The following AGBL4 variants were observed in gnomAD, a reference collection of about 807,000 sequenced individuals.
AGBL4 encodes the protein AGBL carboxypeptidase 4.
In AGBL4, 58 loss-of-function variants were observed where a neutral mutation model predicts 66.4. The observed-to-expected ratio is 0.87, with a 90% CI of 0.71 to 1.09. AGBL4 has a LOEUF of 1.09. AGBL4 is among the 50% of genes least tolerant of loss of function. AGBL4 has a pLI of 0.00. For missense variants in AGBL4, 579 were observed against 631.0 expected (o/e 0.92, Z 0.88); for synonymous variants, 234 against 222.9 (o/e 1.05, Z -0.44).
chr1:49,675,689 G>A (rs188848277), intron 3 of AGBL4, among the ~76,000 whole-genome samples: 5 of 152,198 alleles, frequency 3.3e-5, no homozygotes, highest in Admixed American at 3.3e-4. Flanking sequence ...GGATGGGTTT[G>A]TCAGTAGGTT....
intron 1 of AGBL4, among the ~76,000 whole-genome samples, chr1:49,915,912 C>T (rs1557575648): frequency 2.0e-5 from 3 of 152,152 alleles, no homozygotes; most frequent in Non-Finnish European, 4.4e-5. Flanking sequence ...CAGGCAGCAA[C>T]ATTTACTGTT....
chr1:48,525,477 C>A, the AGBL4 span, among the ~76,000 whole-genome samples: 6 of 152,188 alleles, frequency 3.9e-5, no homozygotes, highest in Non-Finnish European at 7.3e-5. Flanking sequence ...AAGTAGGGAA[C>A]TTCATGAGGT....
At chr1:48,568,477 C>G (rs574553680) in intron 11 of AGBL4, among the ~76,000 whole-genome samples, 74 of 152,334 alleles carry the variant, frequency 4.9e-4, no homozygotes, top group Non-Finnish European at 9.1e-4. Flanking sequence ...GTGACATGCT[C>G]TTCCCGTGGA....
chr1:49,587,910 C>A (rs1372122849), intron 3 of AGBL4, among the ~76,000 whole-genome samples: 1 of 151,970 alleles, frequency 6.6e-6, no homozygotes, highest in East Asian at 1.9e-4. Context: ...TTCTGAGGCT[C>A]TGTAATTTTT....
intron 3 of AGBL4, among the ~76,000 whole-genome samples, chr1:49,518,008 T>C (rs1649967044): frequency 6.6e-6 from 1 of 152,096 alleles, no homozygotes; most frequent in Non-Finnish European, 1.5e-5. Context: ...CATTCACTCA[T>C]TCTACTTGGT....
At chr1:49,129,166 C>T (rs55931414) in intron 4 of AGBL4, among the ~76,000 whole-genome samples, 251 of 151,966 alleles carry the variant, frequency 1.7e-3, no homozygotes, top group Admixed American at 3.9e-3. Context: ...TACTACATAC[C>T]CACTAGAATG....
intron 9 of AGBL4, among the ~76,000 whole-genome samples, chr1:48,624,265 T>A (rs369872127): frequency 6.6e-6 from 1 of 152,154 alleles, no homozygotes; most frequent in African/African-American, 2.4e-5. Context: ...GAGAGAATTA[T>A]AGAGGTTTGA....
intron 6 of AGBL4, among the ~76,000 whole-genome samples, chr1:48,847,581 T>A (rs2148804626): frequency 6.6e-6 from 1 of 152,264 alleles, no homozygotes; most frequent in African/African-American, 2.4e-5. Flanking sequence ...CAATAAAACG[T>A]ATAGTACCTA....
chr1:49,443,797 T>C (rs1226259590), intron 3 of AGBL4, among the ~76,000 whole-genome samples: 2 of 150,430 alleles, frequency 1.3e-5, no homozygotes, highest in African/African-American at 4.9e-5. Flanking sequence ...TATATATATA[T>C]TTTTAATTTT....
chr1:49,212,737 A>G (rs1648768585), intron 4 of AGBL4, among the ~76,000 whole-genome samples: 1 of 152,098 alleles, frequency 6.6e-6, no homozygotes, highest in Non-Finnish European at 1.5e-5. Flanking sequence ...TGAGGTAACA[A>G]TTAAGTTATT....
chr1:49,409,512 A>G (rs1645273967), intron 3 of AGBL4, among the ~76,000 whole-genome samples: 1 of 152,202 alleles, frequency 6.6e-6, no homozygotes, highest in African/African-American at 2.4e-5. Context: ...AACACAACCC[A>G]GAGACCTTAA....
At chr1:49,389,686 A>G (rs1402303198) in intron 3 of AGBL4, among the ~76,000 whole-genome samples, 1 of 152,138 alleles carries the variant, frequency 6.6e-6, no homozygotes, top group Non-Finnish European at 1.5e-5. Context: ...TTGAATTGAG[A>G]GGAAATCTGA....
intron 3 of AGBL4, among the ~76,000 whole-genome samples, chr1:49,517,238 C>A (rs1649901622): frequency 6.6e-6 from 1 of 150,674 alleles, no homozygotes; most frequent in Non-Finnish European, 1.5e-5. Flanking sequence ...AGTATCAAGA[C>A]CCAAAGTCCA....
chr1:48,930,688 A>G (rs1480802476), intron 5 of AGBL4, among the ~76,000 whole-genome samples: 1 of 152,190 alleles, frequency 6.6e-6, no homozygotes, highest in East Asian at 1.9e-4. Flanking sequence ...ATTAAAACAG[A>G]TCACACATTT....
At chr1:49,738,263 C>T (rs550497546) in intron 2 of AGBL4, among the ~76,000 whole-genome samples, 43 of 152,336 alleles carry the variant, frequency 2.8e-4, no homozygotes, top group South Asian at 6.2e-4. Flanking sequence ...GATTGTATCC[C>T]GTGCCTGGAT....
intron 5 of AGBL4, among the ~76,000 whole-genome samples, chr1:48,947,338 C>T (rs1430309828): frequency 6.6e-6 from 1 of 152,184 alleles, no homozygotes; most frequent in East Asian, 1.9e-4. Context: ...GACTCTTATC[C>T]AATGTTTTAT....
At chr1:49,501,198 G>A (rs558464657) in intron 3 of AGBL4, among the ~76,000 whole-genome samples, 2 of 151,966 alleles carry the variant, frequency 1.3e-5, no homozygotes, top group African/African-American at 4.8e-5. Context: ...TCACTGTTGG[G>A]GTATAGCAGT....
chr1:48,665,211 C>A (rs1030575023), intron 6 of AGBL4, among the ~76,000 whole-genome samples: 1 of 152,172 alleles, frequency 6.6e-6, no homozygotes, highest in African/African-American at 2.4e-5. Flanking sequence ...CTGTGCTAGG[C>A]ACCTTTAGGA....
chr1:48,871,377 GTGTGTGTGTT>G (rs1205191951), intron 5 of AGBL4, among the ~76,000 whole-genome samples: 3 of 151,624 alleles, frequency 2.0e-5, no homozygotes, highest in African/African-American at 7.3e-5. Flanking sequence ...GTGTGTGTGT[GTGTGTGTGTT>G]TGTGTGTGTA....
Sources: allele counts gnomAD v4.1 joint callset (sites outside exome capture counted in the v4.1 genomes callset), GRCh38; gene constraint gnomAD v4.1.1; transcripts MANE v1.5; gene names NCBI Gene and HGNC (gene_info 2026-07-23, HGNC 2026-07-21).